The following GRK5 variants were observed in gnomAD, a reference collection of about 807,000 sequenced individuals.
GRK5 encodes the protein g protein-coupled receptor kinase GRK5.
A neutral mutation model predicts 78.4 loss-of-function variants in GRK5; 40 were observed. The observed-to-expected ratio is 0.51, with a 90% CI of 0.40 to 0.66. The LOEUF (loss-of-function observed/expected upper bound fraction) is 0.66, where lower values mean the gene tolerates loss of function less well. GRK5 is among the 30% of genes least tolerant of loss of function. GRK5 has a pLI of 0.00. For missense variants in GRK5, 598 were observed against 759.9 expected, an observed-to-expected ratio of 0.79 and a Z score of 2.50; for synonymous variants, 289 against 296.8, an observed-to-expected ratio of 0.97 and a Z score of 0.27.
chr10:119,414,128 C>T (rs1049210699), intron 4 of GRK5, among the ~76,000 whole-genome samples: 3 of 152,204 alleles, frequency 2.0e-5, no homozygotes, highest in African/African-American at 4.8e-5. Context: ...GTCTCTCTCT[C>T]CTGCTCAGCC....
intron 1 of GRK5, among the ~76,000 whole-genome samples, chr10:119,315,586 C>T (rs1850471892): frequency 6.6e-6 from 1 of 152,246 alleles, no homozygotes; most frequent in African/African-American, 2.4e-5. Context: ...ACACCCACAG[C>T]CTCCCCACGG....
intron 6 of GRK5, among the ~76,000 whole-genome samples, chr10:119,429,369 G>GC (rs5788353): frequency 1 from 151,486 of 151,958 alleles, 75,509 homozygotes; most frequent in Middle Eastern, 1. Context: ...GCCCAGTTCT[G>GC]CTCGATCCAA....
chr10:119,399,259 T>C (rs1852108825), intron 4 of GRK5, among the ~76,000 whole-genome samples: 1 of 152,186 alleles, frequency 6.6e-6, no homozygotes, highest in Non-Finnish European at 1.5e-5. Context: ...ATGCCTTGGG[T>C]CAGCTGTTTC....
intron 2 of GRK5, among the ~76,000 whole-genome samples, chr10:119,344,156 A>T (rs1330650816): frequency 8.4e-5 from 12 of 142,354 alleles, no homozygotes; most frequent in Non-Finnish European, 1.4e-4. Context: ...ATTTTATTTT[A>T]TTTTTTTTCA....
chr10:119,324,969 AGAG>A (rs755842974), intron 1 of GRK5, among the ~76,000 whole-genome samples: 4 of 152,138 alleles, frequency 2.6e-5, no homozygotes, highest in Non-Finnish European at 4.4e-5. Context: ...TGGAGATTTG[AGAG>A]GAGGACACTG....
intron 2 of GRK5, among the ~76,000 whole-genome samples, chr10:119,342,782 C>T (rs1307972202): frequency 3.3e-5 from 5 of 152,158 alleles, no homozygotes; most frequent in East Asian, 1.9e-4. Flanking sequence ...CTCTTGGCAG[C>T]GCAGGCTGGG....
At position 119,459,734 on chromosome 10, in the gene GRK5, T is replaced by C. The variant is rs1333565503; in HGVS notation, c.*4667T>C. 1 of 152,240 alleles carries C rather than the reference T, an allele frequency of 6.6e-6. No homozygotes were observed. The highest frequency in any genetic ancestry group is 1.9e-4 in the East Asian group (1 of 5,194). The allele number at this position is 152,240 out of a possible 1,614,324, so 9.4% of individuals were successfully genotyped here. ...TGTTTTTAAAAGAGAAATAAATTCC[T>C]TAATGGAAGTAGCATGGCATCGGCA... On this transcript the variant is annotated 3_prime_UTR_variant, in exon 16 of 16. Coordinates refer to ENST00000392870, the MANE Select transcript of GRK5 (RefSeq NM_005308.3).
At position 119,336,557 on chromosome 10, in the gene GRK5, T is replaced by A. The variant is rs1850890743; in HGVS notation, c.148+9946T>A. Among the ~76,000 whole-genome samples, 1 of 152,216 alleles carries A rather than the reference T, an allele frequency of 6.6e-6. No individual in the cohort carries two copies. Among genetic ancestry groups the A allele is most frequent in the Non-Finnish European group, 1.5e-5 (1 of 68,038 alleles). ...AGTGGGGCAGAGGGAATGGTGACAC[T>A]GTTTCCCCCTTTCCTTGTTAGCTTT... On this transcript the variant is annotated intron_variant, in intron 2 of 15. Coordinates refer to ENST00000392870, the MANE Select transcript of GRK5 (RefSeq NM_005308.3). The surrounding 1 kb of genome is among the most constrained non-coding windows in gnomAD (Gnocchi z 4.5).
At chr10:119,366,015 G>A (rs1390163933) in intron 2 of GRK5, among the ~76,000 whole-genome samples, 1 of 152,214 alleles carries the variant, frequency 6.6e-6, no homozygotes, top group Non-Finnish European at 1.5e-5. Flanking sequence ...GCCAACATGT[G>A]CAGGGAACTA....
intron 2 of GRK5, among the ~76,000 whole-genome samples, chr10:119,334,184 G>A (rs1162322363): frequency 2.0e-5 from 3 of 152,212 alleles, no homozygotes; most frequent in African/African-American, 7.2e-5. Flanking sequence ...CGCAAGCCTG[G>A]AACCCCAGTG....
In GRK5 at chr10:119,452,468, A is replaced by AAGCCC. The variant is rs1019369000; in HGVS notation, c.1405-198_1405-194dup. On this transcript the variant is annotated intron_variant, in intron 13 of 15. Transcript: ENST00000392870. This position sits in a 1 kb window ranked among gnomAD's most constrained non-coding sequence, Gnocchi z 4.4. ...CAGGCCATCATCTGAGGTGGACAGG[A>AAGCCC]AGCCCAGCCAAGCCACTGGGGCCGA... 41 of 566,422 alleles carry AAGCCC rather than the reference A, an allele frequency of 7.2e-5. No individual in the cohort carries two copies. The Admixed American group carries it at 7.4e-4, about 10-fold the overall frequency. 35.1% of individuals were successfully genotyped at this position (566,422 alleles called of 1,614,324 possible).
chr10:119,376,412 C>T (rs1851622044), intron 2 of GRK5, among the ~76,000 whole-genome samples: 1 of 152,126 alleles, frequency 6.6e-6, no homozygotes. Context: ...CCCTTAACAT[C>T]AAAGGAAACT....
At chr10:119,358,276 G>A (rs568055034) in intron 2 of GRK5, among the ~76,000 whole-genome samples, 14 of 152,294 alleles carry the variant, frequency 9.2e-5, no homozygotes, top group Admixed American at 4.6e-4. Context: ...CACCCATGAG[G>A]AACAGGAGTC....
chr10:119,418,216 G>T (rs543037082), intron 4 of GRK5, among the ~76,000 whole-genome samples: 5 of 152,360 alleles, frequency 3.3e-5, no homozygotes, highest in African/African-American at 1.2e-4. Context: ...TTACCTCCAG[G>T]TGAAGGGGGC....
At chr10:119,306,658 T>G (rs563075942) in intron 1 of GRK5, among the ~76,000 whole-genome samples, 1 of 152,246 alleles carries the variant, frequency 6.6e-6, no homozygotes, top group Non-Finnish European at 1.5e-5. Flanking sequence ...TCTGCTGACT[T>G]CTCCTGGGGA....
chr10:119,243,720 G>A (rs768956717), intron 1 of GRK5, among the ~76,000 whole-genome samples: 1 of 152,098 alleles, frequency 6.6e-6, no homozygotes, highest in African/African-American at 2.4e-5. Flanking sequence ...GGAAAGTCAC[G>A]GAAAGGACTC....
At position 119,219,381 on chromosome 10, in the gene GRK5, T is replaced by C. The variant is rs115385860; in HGVS notation, c.52+11412T>C. Among the ~76,000 whole-genome samples the C allele has an allele frequency of 8.1e-3, 1,233 of 152,284 alleles. 12 individuals are homozygous for C. The highest frequency in any genetic ancestry group is 0.022 in the African/African-American group (896 of 41,550). ...GGTGCGTGCCACCACACTTGACTCT[T>C]TGCAACATTTTGGATTTTAGATTTT... On this transcript the variant is annotated intron_variant, in intron 1 of 15. Transcript: ENST00000392870.
At chr10:119,298,394 A>C (rs961457935) in intron 1 of GRK5, among the ~76,000 whole-genome samples, 1 of 151,916 alleles carries the variant, frequency 6.6e-6, no homozygotes, top group African/African-American at 2.4e-5. Flanking sequence ...AGAGGAGCCA[A>C]CTCTAGTGCC....
intron 1 of GRK5, among the ~76,000 whole-genome samples, chr10:119,219,352 T>C (rs148615773): frequency 1.1e-3 from 168 of 152,342 alleles, no homozygotes; most frequent in Middle Eastern, 3.4e-3. Flanking sequence ...TAGCTGGGAC[T>C]ACAGGTGCGT....
Sources: gnomAD v4.1 joint callset for allele counts (sites outside exome capture counted in the v4.1 genomes callset) on GRCh38, gnomAD v4.1.1 for gene constraint, Gnocchi (gnomAD v3.1) non-coding constraint, MANE v1.5 for transcripts, NCBI Gene and HGNC (gene_info 2026-07-23, HGNC 2026-07-21) for gene names.